The following ACTG2 variants were observed in gnomAD, a reference collection of about 807,000 sequenced individuals.
The protein encoded by ACTG2 is actin, gamma-enteric smooth muscle.
In ACTG2, 16 loss-of-function variants were observed where a neutral mutation model predicts 37.6. The ratio of observed to expected loss-of-function variants is 0.43; its 90% CI spans 0.29 to 0.65. The LOEUF is 0.65. Among genes scored for constraint, ACTG2 ranks in the 30% least tolerant of loss-of-function variants. The pLI is 0.18. For missense variants in ACTG2, 238 were observed against 490.9 expected (o/e 0.48, Z 4.87); for synonymous variants, 181 against 179.9 (o/e 1.01, Z -0.05).
At position 73,919,497 on chromosome 2, in the gene ACTG2, C is replaced by A; in HGVS notation, c.1053C>A (p.Ser351=). The A allele has an allele frequency of 1.2e-6, 2 of 1,614,180 alleles. No individual in the cohort carries two copies. The highest frequency in any genetic ancestry group is 1.7e-6 in the Non-Finnish European group (2 of 1,180,030). ...GGGGCTCTATCCTGGCCTCTCTCTC[C>A]ACCTTCCAGCAGATGTGGATCAGCA... The part of the protein sequence containing the change: ...WIGGSILASL[S]TFQQMWISKP... The change falls in exon 9 of 9, where the codon TCC becomes TCA. Residue 351 remains serine (S), a synonymous_variant. Transcript: ENST00000345517.
At chr2:73,899,349 C>G (rs960723528) in intron 1 of ACTG2, among the ~76,000 whole-genome samples, 1 of 151,996 alleles carries the variant, frequency 6.6e-6, no homozygotes, top group Non-Finnish European at 1.5e-5. Context: ...GTGATCCCAG[C>G]TACTTGGGAT....
intron 3 of ACTG2, chr2:73,902,851 A>C: frequency 7.3e-7 from 1 of 1,361,042 alleles, no homozygotes; most frequent in Admixed American, 2.2e-5. Context: ...CCGTCTTGGC[A>C]TTGGAGGACC....
At chr2:73,898,464 A>G (rs1679801886) in intron 1 of ACTG2, among the ~76,000 whole-genome samples, 1 of 150,492 alleles carries the variant, frequency 6.6e-6, no homozygotes, top group Non-Finnish European at 1.5e-5. Context: ...TGATATTGAG[A>G]TTGTTCCTAA....
chr2:73,908,567 C>G, intron 3 of ACTG2, 106 bp from the exon 4 acceptor site: 1 of 953,978 alleles, frequency 1.0e-6, no homozygotes, highest in Non-Finnish European at 1.6e-6. Flanking sequence ...CAGATCCATC[C>G]CATCCTGTGT....
chr2:73,913,170 C>CAAAAAAAAAAAAA, intron 5 of ACTG2, among the ~76,000 whole-genome samples: 1 of 102,506 alleles, frequency 9.8e-6, no homozygotes, highest in Admixed American at 1.2e-4. Flanking sequence ...ACTCTGTCTC[C>CAAAAAAAAAAAAA]AAAAAAAAAA....
chr2:73,895,861 T>C (rs1389283895), intron 1 of ACTG2, among the ~76,000 whole-genome samples: 2 of 152,244 alleles, frequency 1.3e-5, no homozygotes, highest in African/African-American at 4.8e-5. Context: ...TTTCGGAGCC[T>C]GAAGTTCTCT....
chr2:73,910,833 G>C (rs555433783), intron 5 of ACTG2, among the ~76,000 whole-genome samples: 1 of 151,834 alleles, frequency 6.6e-6, no homozygotes, highest in African/African-American at 2.4e-5. Context: ...CAAAGTACTG[G>C]GATTACAGGT....
At chr2:73,901,512 C>T (rs773010897) in intron 2 of ACTG2, 75 bp downstream of exon 2, 13 of 1,387,644 alleles carry the variant, frequency 9.4e-6, no homozygotes, top group African/African-American at 2.0e-5. Context: ...CCCTGCTGAG[C>T]TGGGGGTTAG....
intron 5 of ACTG2, among the ~76,000 whole-genome samples, chr2:73,909,767 T>C (rs535930856): frequency 3.8e-4 from 58 of 152,292 alleles, no homozygotes; most frequent in Admixed American, 9.2e-4. Context: ...GGTACACCTG[T>C]GTAGGGCACT....
intron 5 of ACTG2, among the ~76,000 whole-genome samples, chr2:73,910,056 A>C (rs1463630725): frequency 6.6e-6 from 1 of 152,000 alleles, no homozygotes; most frequent in Non-Finnish European, 1.5e-5. Flanking sequence ...CTCTACTAAA[A>C]ATACAAAAAT....
rs562428858 is a variant in ACTG2 at position 73,911,772 on chromosome 2, A to C, written c.452-1713A>C. Among the ~76,000 whole-genome samples, 12 of 152,360 alleles carry C rather than the reference A, an allele frequency of 7.9e-5. No individual in the cohort carries two copies. In the South Asian group the frequency reaches 2.1e-3, roughly 26 times the overall value. On this transcript the variant is annotated intron_variant, in intron 5 of 8. Transcript: ENST00000345517. ...TGTATGTGGTCCGAAGTTGACCAAAATGTCATTATGTGGACATGACTATAT... is the reference window on the plus strand; with the variant it reads ...TGTATGTGGTCCGAAGTTGACCAAACTGTCATTATGTGGACATGACTATAT...
chr2:73,907,507 G>T (rs1027117983), intron 3 of ACTG2, among the ~76,000 whole-genome samples: 5 of 152,074 alleles, frequency 3.3e-5, no homozygotes, highest in Non-Finnish European at 7.4e-5. Flanking sequence ...TTTGAGACAG[G>T]GTTTTGCTCT....
Position 73,919,585 on chromosome 2 carries a change from A to C in ACTG2, c.*10A>C. On this transcript the variant is annotated 3_prime_UTR_variant, in exon 9 of 9. Coordinates refer to ENST00000345517, the MANE Select transcript of ACTG2 (RefSeq NM_001615.4). Reference sequence around the variant, plus strand: ...CAGGAAGTGCTTCTAAAGTCAGAACAGGTTCTCCAAGGATCCCCTCGAGAC... The same window carrying C: ...CAGGAAGTGCTTCTAAAGTCAGAACCGGTTCTCCAAGGATCCCCTCGAGAC... The C allele has an allele frequency of 2.5e-6, 4 of 1,613,158 alleles. No homozygotes were observed. The highest frequency in any genetic ancestry group is 2.2e-5 in the South Asian group (2 of 90,968).
At chr2:73,902,837 C>A in intron 3 of ACTG2, 2 of 1,446,538 alleles carry the variant, frequency 1.4e-6, no homozygotes, top group South Asian at 1.3e-5. Context: ...GGGTTCCTAA[C>A]TCCCCGTCTT....
At chr2:73,903,242 G>A (rs957683181) in intron 3 of ACTG2, 2 of 154,094 alleles carry the variant, frequency 1.3e-5, no homozygotes, top group African/African-American at 4.8e-5. Context: ...TTTCTGCAAC[G>A]CCTGTCTTTG....
rs765727614 is a variant in ACTG2 at position 73,914,688 on chromosome 2, G to T, written c.622G>T (p.Glu208Ter). ...GYSFVTTAER[E>*]IVRDIKEKLC... ...ATTTCTGCTCCTTCCAGCTGAGAGA[G>T]AAATTGTGCGAGACATCAAGGAGAA... Residue 208 changes from glutamate (E) to a stop codon, truncating the protein, a stop_gained, in exon 7 of 9, where the codon GAA (glutamate) becomes TAA (stop). Coordinates refer to ENST00000345517, the MANE Select transcript of ACTG2 (RefSeq NM_001615.4). LOFTEE classifies it high-confidence loss of function. 6.3e-7 allele frequency: 1 copy of T among 1,583,030 alleles called. No individual in the cohort carries two copies.
At chr2:73,913,442 G>C (rs1215404474) in intron 5 of ACTG2, 43 bp from the exon 6 acceptor site, 63 of 1,522,636 alleles carry the variant, frequency 4.1e-5, no homozygotes, top group Non-Finnish European at 5.5e-5. Flanking sequence ...CTGATGAAAG[G>C]CAAGAATGAG....
At chr2:73,896,383 T>C (rs1418266982) in intron 1 of ACTG2, among the ~76,000 whole-genome samples, 1 of 151,244 alleles carries the variant, frequency 6.6e-6, no homozygotes, top group African/African-American at 2.4e-5. Flanking sequence ...CATTCTGAGA[T>C]ATAGGCCATA....
chr2:73,905,834 T>C (rs1390188863), intron 3 of ACTG2, among the ~76,000 whole-genome samples: 1 of 152,084 alleles, frequency 6.6e-6, no homozygotes, highest in Non-Finnish European at 1.5e-5. Flanking sequence ...ATAACTATCA[T>C]AGGATTATTT....
Sources: gnomAD v4.1 joint callset for allele counts (sites outside exome capture counted in the v4.1 genomes callset) on GRCh38, gnomAD v4.1.1 for gene constraint, MANE v1.5 for transcripts, NCBI Gene and HGNC (gene_info 2026-07-23, HGNC 2026-07-21) for gene names.